The following SCN3B variants were observed in gnomAD, a reference collection of about 807,000 sequenced individuals.
SCN3B encodes the protein sodium channel regulatory subunit beta-3.
Under a neutral mutation model 25.4 loss-of-function variants are expected in SCN3B, and 11 were observed. That is an observed-to-expected ratio of 0.43 (90% confidence interval 0.27 to 0.72). The LOEUF is 0.72. Ranked by LOEUF, SCN3B falls within the 30% of genes least tolerant of loss-of-function variation. SCN3B has a pLI of 0.18. For synonymous variants in SCN3B, 109 were observed against 110.7 expected, an observed-to-expected ratio of 0.99 and a Z score of 0.09; for missense variants, 218 against 278.3, an observed-to-expected ratio of 0.78 and a Z score of 1.54.
chr11:123,633,416 C>T lies in SCN3B; in HGVS notation c.*383G>A, dbSNP rs1955693652. On this transcript the variant is annotated 3_prime_UTR_variant, in exon 7 of 7. Transcript: ENST00000299333. ...TCTCTTGCAGTAATGGAGAATGAACCAGTTCCAGCCAGTTAAGGGCAGAGG... is the reference window on the plus strand; with the variant it reads ...TCTCTTGCAGTAATGGAGAATGAACTAGTTCCAGCCAGTTAAGGGCAGAGG... 1 of 153,172 alleles carries T rather than the reference C, an allele frequency of 6.5e-6. No individual in the cohort carries two copies. The highest frequency in any genetic ancestry group is 1.9e-4 in the East Asian group (1 of 5,200). 9.5% of individuals were successfully genotyped at this position (153,172 alleles called of 1,614,324 possible).
intron 6 of SCN3B, 42 bp from the exon 7 acceptor site, chr11:123,633,818 T>TCCAGC (rs1955697285): frequency 1.4e-5 from 5 of 370,058 alleles, no homozygotes; most frequent in South Asian, 1.1e-4. Flanking sequence ...TCCCACCCAG[T>TCCAGC]CCAGCCCAGC....
At chr11:123,638,668 G>T (rs1426238111) in intron 4 of SCN3B, 2 of 363,538 alleles carry the variant, frequency 5.5e-6, no homozygotes, top group Non-Finnish European at 1.1e-5. Flanking sequence ...TTCTTAATTT[G>T]TAGGTTGAGG....
intron 2 of SCN3B, among the ~76,000 whole-genome samples, chr11:123,652,084 G>T (rs1955930960): frequency 6.6e-6 from 1 of 152,154 alleles, no homozygotes; most frequent in African/African-American, 2.4e-5. Flanking sequence ...TGGAATTCAG[G>T]CAGGGATCTC....
chr11:123,645,548 G>A lies in SCN3B; in HGVS notation c.219+39C>T, dbSNP rs753748374. Reference sequence around the variant, plus strand: ...AGGAGCCAGGCTGGGAACAGCAGAGGCCAGCAGAAGAAAGGCCAGAGTCAG... The same window carrying A: ...AGGAGCCAGGCTGGGAACAGCAGAGACCAGCAGAAGAAAGGCCAGAGTCAG... On this transcript the variant is annotated intron_variant, in intron 3 of 6. Transcript: ENST00000299333. 14 of 1,610,056 alleles carry A rather than the reference G, an allele frequency of 8.7e-6. No individual in the cohort carries two copies. The Admixed American group carries it at 2.2e-4, about 25-fold the overall frequency.
intron 4 of SCN3B, chr11:123,640,804 T>A (rs1196156866): frequency 6.6e-6 from 1 of 152,184 alleles, no homozygotes; most frequent in Non-Finnish European, 1.5e-5. Flanking sequence ...GCTGCAGAGG[T>A]GTCTACATCT....
Position 123,634,169 on chromosome 11 carries a change from TCTC to T in SCN3B, c.619_621del (p.Glu207del). ...TATTCCTCCACTGGTACCGCAGAGT[TCTC>T]CTTGTTCTCAGATGGGATGGCAAGG... On this transcript the variant is annotated inframe_deletion, in exon 6 of 7. Transcript: ENST00000299333. The T allele has an allele frequency of 6.2e-7, 1 of 1,613,856 alleles. No homozygotes were observed. Among genetic ancestry groups the T allele is most frequent in the Non-Finnish European group, 8.5e-7 (1 of 1,179,892 alleles).
chr11:123,634,667 G>A (rs549117815), intron 5 of SCN3B, among the ~76,000 whole-genome samples: 2 of 152,330 alleles, frequency 1.3e-5, no homozygotes, highest in East Asian at 3.9e-4. Context: ...ACCTGAGCCT[G>A]GGAGGTCGAG....
At chr11:123,644,020 G>A (rs183765965) in intron 3 of SCN3B, among the ~76,000 whole-genome samples, 5 of 152,332 alleles carry the variant, frequency 3.3e-5, no homozygotes, top group African/African-American at 9.6e-5. Context: ...ACCCAGTTTC[G>A]CCCTTCCATT....
At chr11:123,645,553 C>T (rs1480527648) in intron 3 of SCN3B, 34 bp downstream of exon 3, 1 of 1,612,244 alleles carries the variant, frequency 6.2e-7, no homozygotes, top group Non-Finnish European at 8.5e-7. Context: ...CAGAGGCCAG[C>T]AGAAGAAAGG....
rs886047886 is a variant in SCN3B, at chr11:123,629,608, G to T, written c.*4191C>A. On this transcript the variant is annotated 3_prime_UTR_variant, in exon 7 of 7. Transcript: ENST00000299333. ...TTTAGAGATTAAGTAAGGTTTGGAT[G>T]ATGCTGCTTTTCAGACCTGTGACTG... 1 of 152,258 alleles carries T rather than the reference G, an allele frequency of 6.6e-6. No individual in the cohort carries two copies. Among genetic ancestry groups the T allele is most frequent in the East Asian group, 1.9e-4 (1 of 5,198 alleles). The allele number at this position is 152,258 out of a possible 1,614,324, so 9.4% of individuals were successfully genotyped here.
chr11:123,636,472 G>T (rs1431418118), intron 5 of SCN3B, among the ~76,000 whole-genome samples: 1 of 152,124 alleles, frequency 6.6e-6, no homozygotes, highest in East Asian at 1.9e-4. Flanking sequence ...TCCTTGATAT[G>T]TCCCTGATAT....
chr11:123,642,847 G>A lies in SCN3B; in HGVS notation c.220-176C>T, dbSNP rs1195087377. On this transcript the variant is annotated intron_variant, in intron 3 of 6. Coordinates refer to ENST00000299333, the MANE Select transcript of SCN3B (RefSeq NM_001040151.2). This position sits in a 1 kb window ranked among gnomAD's most constrained non-coding sequence, Gnocchi z 4.3. Reference sequence around the variant, plus strand: ...GGTGGGATGAAGAGGCACAGAGGAGGGTAGGGAAGGGAGCAAAGACAGGGA... The same window carrying A: ...GGTGGGATGAAGAGGCACAGAGGAGAGTAGGGAAGGGAGCAAAGACAGGGA... 1.3e-5 allele frequency among the ~76,000 whole-genome samples: 2 copies of A among 152,090 alleles called. No homozygotes were observed. The highest frequency in any genetic ancestry group is 4.8e-5 in the African/African-American group (2 of 41,412).
intron 5 of SCN3B, among the ~76,000 whole-genome samples, chr11:123,636,465 T>C (rs1955726013): frequency 6.6e-6 from 1 of 152,248 alleles, no homozygotes; most frequent in Non-Finnish European, 1.5e-5. Context: ...GGCAGTCTCC[T>C]TGATATGTCC....
intron 4 of SCN3B, chr11:123,640,710 A>G (rs1191500041): frequency 6.6e-6 from 1 of 152,204 alleles, no homozygotes; most frequent in Non-Finnish European, 1.5e-5. Context: ...GAGGGGCACC[A>G]GAGCTACACC....
At chr11:123,653,873 C>CT (rs1463094121) in intron 1 of SCN3B, 47 bp from the exon 2 acceptor site, 1 of 1,559,064 alleles carries the variant, frequency 6.4e-7, no homozygotes, top group Non-Finnish European at 8.8e-7. Context: ...CTCTCAGATT[C>CT]TTTCGAGGAA....
chr11:123,643,750 T>C lies in SCN3B; in HGVS notation c.220-1079A>G, dbSNP rs118163803. 1.5e-3 allele frequency among the ~76,000 whole-genome samples: 230 copies of C among 152,374 alleles called. No homozygotes were observed. The East Asian group carries it at 0.016, about 10-fold the overall frequency. ...CAGGCCTGGAAGCAATGTGGGCAGCTATCACTGGTACATGACCAGGCCTGA... is the reference window on the plus strand; with the variant it reads ...CAGGCCTGGAAGCAATGTGGGCAGCCATCACTGGTACATGACCAGGCCTGA... On this transcript the variant is annotated intron_variant, in intron 3 of 6. Coordinates refer to ENST00000299333, the MANE Select transcript of SCN3B (RefSeq NM_001040151.2).
At chr11:123,648,509 A>C (rs1233243695) in intron 2 of SCN3B, among the ~76,000 whole-genome samples, 1 of 152,350 alleles carries the variant, frequency 6.6e-6, no homozygotes, top group East Asian at 1.9e-4. Flanking sequence ...CCAGAGAACA[A>C]AAGAAAAGAA....
intron 4 of SCN3B, 122 bp from the exon 5 acceptor site, chr11:123,638,446 A>T (rs1955753667): frequency 2.2e-6 from 3 of 1,338,866 alleles, no homozygotes; most frequent in Middle Eastern, 2.5e-4. Context: ...GAAGATGTCA[A>T]AGGTATTCCA....
At chr11:123,634,721 C>T (rs1955707767) in intron 5 of SCN3B, among the ~76,000 whole-genome samples, 1 of 152,116 alleles carries the variant, frequency 6.6e-6, no homozygotes. Context: ...ACAGTGAGAC[C>T]ATGTCTCAAA....
Sources: gnomAD v4.1 joint callset for allele counts (sites outside exome capture counted in the v4.1 genomes callset) on GRCh38, gnomAD v4.1.1 for gene constraint, Gnocchi (gnomAD v3.1) non-coding constraint, MANE v1.5 for transcripts, NCBI Gene and HGNC (gene_info 2026-07-23, HGNC 2026-07-21) for gene names.